NSD3: variants seen among roughly 807,000 people sequenced by gnomAD.
NSD3 encodes the protein histone-lysine N-methyltransferase NSD3.
Under a neutral mutation model 160.8 loss-of-function variants are expected in NSD3, and 24 were observed. That is an observed-to-expected ratio of 0.15 (90% confidence interval 0.11 to 0.21). The LOEUF (loss-of-function observed/expected upper bound fraction) is 0.21. Ranked by LOEUF, NSD3 falls within the 10% of genes least tolerant of loss-of-function variation. The pLI, the probability that NSD3 is intolerant of heterozygous loss-of-function variation, is 1.00. For missense variants in NSD3, 1,157 were observed against 1,735.9 expected (o/e 0.67, Z 5.93); for synonymous variants, 520 against 600.0 (o/e 0.87, Z 1.95).
At position 38,314,011 on chromosome 8, in the gene NSD3, A is replaced by T. The variant is rs892445684; in HGVS notation, c.2242+636T>A. Reference sequence around the variant, plus strand: ...TAAAACAAAGCAAAACAAAAAACACATCAACATGTTTCCTAGAAGCACCAC... The same window carrying T: ...TAAAACAAAGCAAAACAAAAAACACTTCAACATGTTTCCTAGAAGCACCAC... On this transcript the variant is annotated intron_variant, in intron 12 of 23. Coordinates refer to ENST00000317025, the MANE Select transcript of NSD3 (RefSeq NM_023034.2). Among the ~76,000 whole-genome samples the T allele has an allele frequency of 2.0e-5, 3 of 152,168 alleles. No individual in the cohort carries two copies. In the East Asian group the frequency reaches 5.8e-4, roughly 29 times the overall value.
At position 38,317,770 on chromosome 8, in the gene NSD3, A is replaced by T; in HGVS notation, c.1855+1125T>A. On this transcript the variant is annotated intron_variant, in intron 9 of 23. Transcript: ENST00000317025. This position sits in a 1 kb window ranked among gnomAD's most constrained non-coding sequence, Gnocchi z 5.3. ...CCATCCAGCTCAAACCGAAAAAAAA[A>T]AATCATTTGACTGTTAAAGCAATTG... 1 of 1,417,998 alleles carries T rather than the reference A, an allele frequency of 7.1e-7. No individual in the cohort carries two copies. The allele number at this position is 1,417,998 out of a possible 1,614,324, so 87.8% of individuals were successfully genotyped here.
At chr8:38,313,314 A>T (rs1448452172) in intron 12 of NSD3, among the ~76,000 whole-genome samples, 1 of 152,166 alleles carries the variant, frequency 6.6e-6, no homozygotes, top group Non-Finnish European at 1.5e-5. Flanking sequence ...GGTAAAGAAA[A>T]AATAAATCTG....
intron 1 of NSD3, chr8:38,380,545 C>G (rs1811512429): frequency 6.6e-6 from 1 of 152,170 alleles, no homozygotes; most frequent in Non-Finnish European, 1.5e-5. Flanking sequence ...ATTCCTTCAG[C>G]TAGTAAAAAT....
chr8:38,366,931 T>TA (rs1811119885), intron 1 of NSD3, among the ~76,000 whole-genome samples: 1 of 152,192 alleles, frequency 6.6e-6, no homozygotes, highest in Non-Finnish European at 1.5e-5. Context: ...AAAATTCTAT[T>TA]AGACAGTGCT....
At chr8:38,371,929 T>G (rs2150395496) in intron 1 of NSD3, among the ~76,000 whole-genome samples, 1 of 152,318 alleles carries the variant, frequency 6.6e-6, no homozygotes, top group East Asian at 1.9e-4. Flanking sequence ...AAAATATTCT[T>G]GAAGGCCAGG....
intron 7 of NSD3, among the ~76,000 whole-genome samples, chr8:38,325,670 G>A (rs1173465348): frequency 6.6e-6 from 1 of 151,990 alleles, no homozygotes; most frequent in Non-Finnish European, 1.5e-5. Flanking sequence ...CCAGGGGTTC[G>A]AGACCAGCCT....
rs1487446516 is a variant in NSD3, at chr8:38,348,223, T to C, written c.-44-8A>G. ...CCCTTTCTCTCATCGGGCCTAAAAT[T>C]ATAAAAGAGGGGATTAGAAGGTGTT... On this transcript the variant is annotated splice_polypyrimidine_tract_variant and splice_region_variant and intron_variant, in intron 1 of 23. Coordinates refer to ENST00000317025, the MANE Select transcript of NSD3 (RefSeq NM_023034.2). 4.6e-6 allele frequency: 7 copies of C among 1,511,388 alleles called. No homozygotes were observed. In the Middle Eastern group the frequency reaches 8.9e-4, roughly 193 times the overall value. 93.6% of individuals were successfully genotyped at this position (1,511,388 alleles called of 1,614,324 possible).
At chr8:38,284,111 A>T (rs1051506367) in intron 19 of NSD3, among the ~76,000 whole-genome samples, 8 of 152,176 alleles carry the variant, frequency 5.3e-5, no homozygotes, top group African/African-American at 1.9e-4. Flanking sequence ...AAGGAAAAAA[A>T]AACAAACCAA....
intron 4 of NSD3, 63 bp from the exon 5 acceptor site, chr8:38,331,648 A>G: frequency 1.3e-6 from 2 of 1,563,292 alleles, no homozygotes; most frequent in Non-Finnish European, 1.7e-6. Context: ...CTTTGCCAAA[A>G]ATGGGAATCT....
Position 38,319,935 on chromosome 8 carries a change from C to G in NSD3, c.1810-995G>C, listed in dbSNP as rs1348171736. Reference sequence around the variant, plus strand: ...ATTTGTCCCACTTTTTATACTCATTCTGCTTATTAGTTTAAAACTGACTGG... The same window carrying G: ...ATTTGTCCCACTTTTTATACTCATTGTGCTTATTAGTTTAAAACTGACTGG... On this transcript the variant is annotated intron_variant, in intron 8 of 23. Transcript: ENST00000317025. This position sits in a 1 kb window ranked among gnomAD's most constrained non-coding sequence, Gnocchi z 4.1. 2 of 152,082 alleles carry G rather than the reference C, an allele frequency of 1.3e-5. No homozygotes were observed. Among genetic ancestry groups the G allele is most frequent in the Non-Finnish European group, 2.9e-5 (2 of 68,008 alleles). 9.4% of individuals were successfully genotyped at this position (152,082 alleles called of 1,614,324 possible).
intron 1 of NSD3, among the ~76,000 whole-genome samples, chr8:38,374,843 A>G (rs1811348729): frequency 6.6e-6 from 1 of 151,944 alleles, no homozygotes; most frequent in African/African-American, 2.4e-5. Flanking sequence ...TCTCTACTAA[A>G]AATACAAAAA....
chr8:38,316,269 T>C lies in NSD3; in HGVS notation c.1856-227A>G. 2 of 911,456 alleles carry C rather than the reference T, an allele frequency of 2.2e-6. No individual in the cohort carries two copies. The highest frequency in any genetic ancestry group is 5.6e-5 in the South Asian group (2 of 35,874). The allele number at this position is 911,456 out of a possible 1,614,324, so 56.5% of individuals were successfully genotyped here. On this transcript the variant is annotated intron_variant, in intron 9 of 23. Transcript: ENST00000317025. This position sits in a 1 kb window ranked among gnomAD's most constrained non-coding sequence, Gnocchi z 4.5. ...TCTATCAAAACATTTAATTCAGTTC[T>C]CCTCTCTAAAGCTATTTTCAGTCAA...
intron 1 of NSD3, among the ~76,000 whole-genome samples, chr8:38,362,329 G>A (rs946045185): frequency 3.1e-5 from 4 of 128,424 alleles, no homozygotes; most frequent in African/African-American, 1.1e-4. Context: ...CCATTAAGCA[G>A]TATTATTGAA....
intron 1 of NSD3, among the ~76,000 whole-genome samples, chr8:38,372,702 G>T (rs1449992415): frequency 6.7e-6 from 1 of 150,282 alleles, no homozygotes; most frequent in Non-Finnish European, 1.5e-5. Flanking sequence ...CGCCATGTTG[G>T]CCAGGCTGGT....
chr8:38,281,820 A>G (rs1280113957), intron 19 of NSD3, among the ~76,000 whole-genome samples: 2 of 152,212 alleles, frequency 1.3e-5, no homozygotes, highest in Admixed American at 1.3e-4. Context: ...TTTATAGTCC[A>G]AGTGACAACA....
intron 6 of NSD3, among the ~76,000 whole-genome samples, chr8:38,327,210 C>A (rs959713632): frequency 3.3e-5 from 5 of 151,784 alleles, no homozygotes; most frequent in Non-Finnish European, 7.4e-5. Context: ...CCACCACGCC[C>A]TGCTAATTTT....
intron 14 of NSD3, among the ~76,000 whole-genome samples, chr8:38,301,370 G>C (rs1809272260): frequency 6.6e-6 from 1 of 152,196 alleles, no homozygotes; most frequent in Admixed American, 6.5e-5. Context: ...CTGAGGTCGG[G>C]AGTTTGAGAC....
intron 1 of NSD3, among the ~76,000 whole-genome samples, chr8:38,349,814 T>A (rs932316039): frequency 5.3e-5 from 8 of 151,676 alleles, no homozygotes; most frequent in African/African-American, 1.9e-4. Flanking sequence ...TAGGTATATC[T>A]CCTAATGCTA....
intron 1 of NSD3, among the ~76,000 whole-genome samples, chr8:38,379,702 G>C (rs970911067): frequency 2.6e-5 from 4 of 152,154 alleles, no homozygotes; most frequent in African/African-American, 9.7e-5. Context: ...TGCCATTTAG[G>C]TAGGTTAAAT....
Sources: gnomAD v4.1 joint callset for allele counts (sites outside exome capture counted in the v4.1 genomes callset) on GRCh38, gnomAD v4.1.1 for gene constraint, Gnocchi (gnomAD v3.1) non-coding constraint, MANE v1.5 for transcripts, NCBI Gene and HGNC (gene_info 2026-07-23, HGNC 2026-07-21) for gene names.